NXF1: variants seen among roughly 807,000 people sequenced by gnomAD.
The protein encoded by NXF1 is nuclear RNA export factor 1, also known as mRNA export factor TAP.
Under a neutral mutation model 92.4 loss-of-function variants are expected in NXF1, and 43 were observed. The observed-to-expected ratio is 0.47, with a 90% confidence interval of 0.36 to 0.60. NXF1 has a LOEUF of 0.60. Among genes scored for constraint, NXF1 ranks in the 20% least tolerant of loss-of-function variants. The pLI is 0.00. For synonymous variants in NXF1, 288 were observed against 292.2 expected, an observed-to-expected ratio of 0.99 and a Z score of 0.15; for missense variants, 576 against 793.0, an observed-to-expected ratio of 0.73 and a Z score of 3.29.
rs2084399904 is a variant in NXF1, at chr11:62,794,385, G to C, written c.1633C>G (p.Gln545Glu). ...GGTGCAGGCATAGCGAAGGCTCTTT[G>C]GATCTCTTCAGAACTGGCATTCCGC... is the stretch of plus-strand genomic sequence containing the variant. ...FVRNASSEEI[Q>E]RAFAMPAPTP... The change falls in exon 19 of 21, where the codon CAA becomes GAA. Residue 545 changes from glutamine (Q) to glutamate (E), a missense_variant. Gln to Glu is a conservative substitution (Grantham distance 29). This residue lies in a region of NXF1 where 425 missense variants were observed against 635.2 expected (regional missense o/e 0.67). Transcript: ENST00000294172. 6.2e-7 allele frequency: 1 copy of C among 1,614,014 alleles called. No homozygotes were observed. The highest frequency in any genetic ancestry group is 8.5e-7 in the Non-Finnish European group (1 of 1,180,026).
At chr11:62,800,991 C>T (rs1287877940) in intron 9 of NXF1, 103 bp downstream of exon 9, 4 of 846,962 alleles carry the variant, frequency 4.7e-6, no homozygotes, top group Non-Finnish European at 7.8e-6. Context: ...CAAACCAGCA[C>T]ATCTGGCCTG....
chr11:62,801,058 C>T lies in NXF1; in HGVS notation c.906+36G>A. 2 of 1,486,274 alleles carry T rather than the reference C, an allele frequency of 1.3e-6. 1 individual carries two copies. The highest frequency in any genetic ancestry group is 1.9e-6 in the Non-Finnish European group (2 of 1,064,120). The allele number at this position is 1,486,274 out of a possible 1,614,324, so 92.1% of individuals were successfully genotyped here. A position where few individuals can be genotyped will look rare whatever the true frequency, so the allele number is the denominator to read the frequency against. ...ACAAACTCTCTACACCCTCTACCCACCCCTTCAAAAATATAGCCGAGCTAT... is the reference window on the plus strand; with the variant it reads ...ACAAACTCTCTACACCCTCTACCCATCCCTTCAAAAATATAGCCGAGCTAT... On this transcript the variant is annotated intron_variant, in intron 9 of 20. Coordinates refer to ENST00000294172, the MANE Select transcript of NXF1 (RefSeq NM_006362.5).
At chr11:62,798,445 A>AAAAAG in intron 11 of NXF1, 94 bp downstream of exon 11, 7 of 1,539,866 alleles carry the variant, frequency 4.5e-6, no homozygotes, top group African/African-American at 4.2e-5. Context: ...ATAAAAAAAA[A>AAAAAG]AAAAAGAAAA....
intron 3 of NXF1, 52 bp from the exon 4 acceptor site, chr11:62,802,312 C>T (rs2084488321): frequency 6.8e-7 from 1 of 1,470,836 alleles, no homozygotes; most frequent in African/African-American, 1.4e-5. Context: ...GGCTGAATAG[C>T]AGACCCAATA....
At chr11:62,794,584 A>C in intron 18 of NXF1, 144 bp from the exon 19 acceptor site, 3 of 707,136 alleles carry the variant, frequency 4.2e-6, no homozygotes, top group Non-Finnish European at 7.0e-6. Flanking sequence ...ATCCCCTCCC[A>C]TGGAATCAAT....
Position 62,802,222 on chromosome 11 carries a change from C to T in NXF1, c.408G>A (p.Leu136=), listed in dbSNP as rs766152776. 8.7e-6 allele frequency: 14 copies of T among 1,614,078 alleles called. No individual in the cohort carries two copies. The East Asian group carries it at 2.7e-4, about 31-fold the overall frequency. The change falls in exon 4 of 21, where the codon CTG becomes CTA. Residue 136 remains leucine (L), a synonymous_variant. Coordinates refer to ENST00000294172, the MANE Select transcript of NXF1 (RefSeq NM_006362.5). ...YGRKYDKAWL[L]SMIQSKCSVP... is the part of the protein sequence containing the mutation. ...CACTGCACTTGCTCTGAATCATGCT[C>T]AGGAGCCATGCCTTGTCATACTTTC...
rs1267685848 is a variant in NXF1, at chr11:62,795,985, A to C, written c.1462-42T>G. On this transcript the variant is annotated intron_variant, in intron 16 of 20. Coordinates refer to ENST00000294172, the MANE Select transcript of NXF1 (RefSeq NM_006362.5). Reference sequence around the variant, plus strand: ...ATCAGGTACAATGTACACTTCTCAGAGCCTGAGTGCCCCCCCTTGCCTATT... The same window carrying C: ...ATCAGGTACAATGTACACTTCTCAGCGCCTGAGTGCCCCCCCTTGCCTATT... The C allele has an allele frequency of 2.5e-6, 4 of 1,612,998 alleles. No homozygotes were observed. The East Asian group carries it at 6.7e-5, about 27-fold the overall frequency.
rs773891539 is a variant in NXF1 at position 62,802,182 on chromosome 11, T to C, written c.448A>G (p.Ile150Val). Residue 150 changes from isoleucine (I) to valine (V), a missense_variant, in exon 4 of 21, where the codon ATT becomes GTT. Transcript: ENST00000294172. ...QSKCSVPFTP[I>V]EFHYENTRAQ... ...CCACTCAGGCCTTGTCTTACCTCAATAGGGGTGAAGGGCACACTGCACTTG... is the reference window on the plus strand; with the variant it reads ...CCACTCAGGCCTTGTCTTACCTCAACAGGGGTGAAGGGCACACTGCACTTG... The C allele has an allele frequency of 1.5e-5, 24 of 1,613,956 alleles. No homozygotes were observed. The highest frequency in any genetic ancestry group is 6.7e-5 in the East Asian group (3 of 44,896).
intron 12 of NXF1, 33 bp from the exon 13 acceptor site, chr11:62,797,271 C>G: frequency 6.2e-7 from 1 of 1,613,934 alleles, no homozygotes; most frequent in Non-Finnish European, 8.5e-7. Flanking sequence ...AACATGGAAG[C>G]AGTATTCTCT....
At chr11:62,799,381 G>A in intron 10 of NXF1, 1 of 985,800 alleles carries the variant, frequency 1.0e-6, no homozygotes. Context: ...ATCTGAACTG[G>A]GCGTGGGAAG....
In NXF1 at chr11:62,802,184, G is replaced by C; in HGVS notation, c.446C>G (p.Pro149Arg). Residue 149 changes from proline to arginine, a missense_variant, in exon 4 of 21, where the codon CCT (proline) becomes CGT (arginine). Pro to Arg is a moderately radical substitution (Grantham distance 103). Around this residue, in one of 2 missense-constraint regions of NXF1, gnomAD observed 425 missense variants for 635.2 expected, o/e 0.67. Coordinates refer to ENST00000294172, the MANE Select transcript of NXF1 (RefSeq NM_006362.5). Reference protein sequence around the residue: ...IQSKCSVPFTPIEFHYENTRA... With the variant: ...IQSKCSVPFTRIEFHYENTRA... ...ACTCAGGCCTTGTCTTACCTCAATA[G>C]GGGTGAAGGGCACACTGCACTTGCT... 6.2e-7 allele frequency: 1 copy of C among 1,614,102 alleles called. No individual in the cohort carries two copies. Among genetic ancestry groups the C allele is most frequent in the Non-Finnish European group, 8.5e-7 (1 of 1,179,928 alleles).
intron 10 of NXF1, 139 bp downstream of exon 10, chr11:62,800,238 A>G: frequency 2.0e-6 from 3 of 1,472,944 alleles, no homozygotes; most frequent in Non-Finnish European, 2.7e-6. Flanking sequence ...CAAAGTGGGG[A>G]GCACGCGATC....
At chr11:62,793,014 A>G (rs1484719884) in intron 19 of NXF1, among the ~76,000 whole-genome samples, 1 of 152,070 alleles carries the variant, frequency 6.6e-6, no homozygotes, top group Non-Finnish European at 1.5e-5. Context: ...TTACCTTTAA[A>G]GTTTTTTATG....
chr11:62,798,258 T>C (rs1168166599), intron 11 of NXF1, among the ~76,000 whole-genome samples: 1 of 150,988 alleles, frequency 6.6e-6, no homozygotes, highest in Non-Finnish European at 1.5e-5. Context: ...TGAAACCCTG[T>C]CTCTACTAAA....
intron 19 of NXF1, among the ~76,000 whole-genome samples, chr11:62,793,820 A>G (rs926171424): frequency 3.1e-5 from 1 of 32,346 alleles, no homozygotes; most frequent in Non-Finnish European, 5.1e-5. Context: ...CGTCTCTACT[A>G]AAAAAAAAAA....
intron 9 of NXF1, 106 bp downstream of exon 9, chr11:62,800,988 G>T: frequency 1.2e-6 from 1 of 820,462 alleles, no homozygotes; most frequent in Non-Finnish European, 2.0e-6. Context: ...TTGCAAACCA[G>T]CACATCTGGC....
At position 62,792,317 on chromosome 11, in the gene NXF1, C is replaced by A. The variant is rs756812295; in HGVS notation, c.*159G>T. The A allele has an allele frequency of 2.2e-6, 2 of 897,452 alleles. No homozygotes were observed. The highest frequency in any genetic ancestry group is 3.6e-6 in the Non-Finnish European group (2 of 554,808). 55.6% of individuals were successfully genotyped at this position (897,452 alleles called of 1,614,324 possible). A position where few individuals can be genotyped will look rare whatever the true frequency, so the allele number is the denominator to read the frequency against. ...GTGAGGCTCAATCTTCTGAAGTCTTCCAGAAGGCAGGCGAGGAGAGGGATC... is the reference window on the plus strand; with the variant it reads ...GTGAGGCTCAATCTTCTGAAGTCTTACAGAAGGCAGGCGAGGAGAGGGATC... On this transcript the variant is annotated 3_prime_UTR_variant, in exon 21 of 21. Transcript: ENST00000294172.
At chr11:62,795,048 CTTTA>C in intron 17 of NXF1, 41 bp from the exon 18 acceptor site, 1 of 1,570,924 alleles carries the variant, frequency 6.4e-7, no homozygotes, top group Non-Finnish European at 8.8e-7. Context: ...GTCACTAGTG[CTTTA>C]TGTTTACAAA....
chr11:62,805,439 G>A lies in NXF1; in HGVS notation c.-83C>T, dbSNP rs1483041117. ...TAACTCCCAAGCGCTCAGGACCGAAGTGTCCCTACGCCGGGCGCCACCGCA... is the reference window on the plus strand; with the variant it reads ...TAACTCCCAAGCGCTCAGGACCGAAATGTCCCTACGCCGGGCGCCACCGCA... On this transcript the variant is annotated 5_prime_UTR_variant, in exon 1 of 21. Coordinates refer to ENST00000294172, the MANE Select transcript of NXF1 (RefSeq NM_006362.5). 25 of 1,585,884 alleles carry A rather than the reference G, an allele frequency of 1.6e-5. No homozygotes were observed. The highest frequency in any genetic ancestry group is 2.1e-5 in the Non-Finnish European group (24 of 1,162,554).
Sources: gnomAD v4.1 joint callset for allele counts (sites outside exome capture counted in the v4.1 genomes callset) on GRCh38, gnomAD v4.1.1 for gene constraint, gnomAD v4.1.1 regional missense constraint, MANE v1.5 for transcripts, NCBI Gene and HGNC (gene_info 2026-07-23, HGNC 2026-07-21) for gene names.